The following LUC7L3 variants were observed in gnomAD, a reference collection of about 807,000 sequenced individuals.
LUC7L3 encodes the protein LUC7 like 3 pre-mRNA splicing factor, also known as luc7-like protein 3.
Under a neutral mutation model 66.8 loss-of-function variants are expected in LUC7L3, and 6 were observed. That is an observed-to-expected ratio of 0.09 (90% CI 0.05 to 0.18). LUC7L3 has a LOEUF of 0.18. Among genes scored for constraint, LUC7L3 ranks in the 10% least tolerant of loss-of-function variants. The pLI is 1.00. For synonymous variants in LUC7L3, 160 were observed against 174.7 expected (o/e 0.92, Z 0.66); for missense variants, 341 against 531.1 (o/e 0.64, Z 3.52).
At chr17:50,738,011 G>T (rs1302313840) in intron 2 of LUC7L3, 7 of 359,596 alleles carry the variant, frequency 1.9e-5, no homozygotes, top group African/African-American at 1.3e-4. Flanking sequence ...TGAGATTTCA[G>T]ACACAGCAGG....
rs1970998151 is a variant in LUC7L3 at position 50,752,086 on chromosome 17, C to T, written c.*1425C>T. The T allele has an allele frequency of 1.7e-6, 2 of 1,203,752 alleles. No homozygotes were observed. Among genetic ancestry groups the T allele is most frequent in the Non-Finnish European group, 2.1e-6 (2 of 949,084 alleles). The allele number at this position is 1,203,752 out of a possible 1,614,324, so 74.6% of individuals were successfully genotyped here. A position where few individuals can be genotyped will look rare whatever the true frequency, so the allele number is the denominator to read the frequency against. ...CCTTGATAATTAAAAAGAATACAAGCATTCCATGTACACATGTTAATTAGC... is the reference window on the plus strand; with the variant it reads ...CCTTGATAATTAAAAAGAATACAAGTATTCCATGTACACATGTTAATTAGC... On this transcript the variant is annotated 3_prime_UTR_variant, in exon 10 of 10. Transcript: ENST00000505658.
rs774602714 is a variant in LUC7L3 at position 50,743,682 on chromosome 17, GT to G, written c.427-17del. On this transcript the variant is annotated intron_variant, in intron 5 of 9. Coordinates refer to ENST00000505658, the MANE Select transcript of LUC7L3 (RefSeq NM_016424.5). ...GTTGGGTTTGAAAGAAATCTTAACT[GT>G]TTTTTTCCCCTACTCTTCTAAGATT... The G allele has an allele frequency of 1.1e-5, 16 of 1,446,022 alleles. No individual in the cohort carries two copies. In the East Asian group the frequency reaches 1.4e-4, roughly 12 times the overall value. The allele number at this position is 1,446,022 out of a possible 1,614,324, so 89.6% of individuals were successfully genotyped here. A position where few individuals can be genotyped will look rare whatever the true frequency, so the allele number is the denominator to read the frequency against.
chr17:50,723,400 A>C (rs929119283), intron 1 of LUC7L3: 1 of 152,466 alleles, frequency 6.6e-6, no homozygotes, highest in East Asian at 1.9e-4. Flanking sequence ...GACACTGAAA[A>C]GTTGTTTAGA....
In LUC7L3 at chr17:50,726,738, A is replaced by G. The variant is rs534489747; in HGVS notation, c.99+6907A>G. ...ACATTTTTTTCTCTAGCTTACTTAT[A>G]GTTATTTTTTTCCCTAAACATTCTA... On this transcript the variant is annotated intron_variant, in intron 1 of 9. Coordinates refer to ENST00000505658, the MANE Select transcript of LUC7L3 (RefSeq NM_016424.5). Among the ~76,000 whole-genome samples, 30 of 152,254 alleles carry G rather than the reference A, an allele frequency of 2.0e-4. No homozygotes were observed. In the East Asian group the frequency reaches 3.1e-3, roughly 16 times the overall value.
rs774762325 is a variant in LUC7L3 at position 50,745,866 on chromosome 17, A to G, written c.840A>G (p.Glu280=). The change falls in exon 8 of 10, where the codon GAA becomes GAG. Residue 280 remains glutamate, a synonymous_variant. Coordinates refer to ENST00000505658, the MANE Select transcript of LUC7L3 (RefSeq NM_016424.5). The part of the protein sequence containing the change: ...RKRRREEEER[E]KERARDRERR... ...GACGAAGGGAAGAGGAAGAAAGAGA[A>G]AAAGAAAGGGCTCGTGACAGAGAAA... 1 of 1,603,752 alleles carries G rather than the reference A, an allele frequency of 6.2e-7. No homozygotes were observed. Among genetic ancestry groups the G allele is most frequent in the Non-Finnish European group, 8.5e-7 (1 of 1,172,978 alleles).
At chr17:50,724,694 G>C (rs1567855677) in intron 1 of LUC7L3, among the ~76,000 whole-genome samples, 1 of 149,850 alleles carries the variant, frequency 6.7e-6, no homozygotes, top group Non-Finnish European at 1.5e-5. Flanking sequence ...GGAGAAGGTA[G>C]CTTAAGTTTG....
chr17:50,744,591 C>CT, intron 6 of LUC7L3, 61 bp from the exon 7 acceptor site: 1 of 1,482,662 alleles, frequency 6.7e-7, no homozygotes, highest in Non-Finnish European at 9.2e-7. Context: ...ATGTTGAGTA[C>CT]TTTCCTGGGA....
chr17:50,721,097 T>C (rs1048232465), intron 1 of LUC7L3, among the ~76,000 whole-genome samples: 3 of 152,186 alleles, frequency 2.0e-5, no homozygotes, highest in Non-Finnish European at 4.4e-5. Flanking sequence ...AAGTAACTTT[T>C]TTTTTTTTTA....
At chr17:50,741,988 A>G (rs969046730) in intron 5 of LUC7L3, among the ~76,000 whole-genome samples, 1 of 152,122 alleles carries the variant, frequency 6.6e-6, no homozygotes, top group African/African-American at 2.4e-5. Context: ...AGTTAGGAGA[A>G]TTGCTTAAGC....
At chr17:50,741,814 G>T in intron 5 of LUC7L3, 83 bp downstream of exon 5, 1 of 1,057,792 alleles carries the variant, frequency 9.5e-7, no homozygotes, top group Non-Finnish European at 1.5e-6. Flanking sequence ...GCCAGGCATG[G>T]TAACTCATGT....
At chr17:50,745,573 T>TG (rs1352165906) in intron 7 of LUC7L3, 147 bp from the exon 8 acceptor site, 2 of 595,888 alleles carry the variant, frequency 3.4e-6, no homozygotes, top group African/African-American at 3.7e-5. Context: ...TGATACCTTG[T>TG]GTATATACAT....
intron 5 of LUC7L3, among the ~76,000 whole-genome samples, chr17:50,743,322 C>G (rs1332071253): frequency 6.6e-6 from 1 of 152,120 alleles, no homozygotes; most frequent in Non-Finnish European, 1.5e-5. Context: ...CCTCAGTCTC[C>G]CCAGTAGCTG....
At position 50,741,666 on chromosome 17, in the gene LUC7L3, C is replaced by T. The variant is rs988648429; in HGVS notation, c.361C>T (p.Pro121Ser). ...QNQQSSGAAG[P>S]TGKNEEKIQV... ...TTATTGTCTTCAATAGGCCGCTGGC[C>T]CAACAGGCAAAAATGAAGAAAAAAT... Residue 121 changes from proline to serine, a missense_variant, in exon 5 of 10, where the codon CCA becomes TCA. Coordinates refer to ENST00000505658, the MANE Select transcript of LUC7L3 (RefSeq NM_016424.5). The T allele has an allele frequency of 1.2e-6, 2 of 1,612,960 alleles. No homozygotes were observed. Among genetic ancestry groups the T allele is most frequent in the African/African-American group, 2.7e-5 (2 of 74,978 alleles).
intron 1 of LUC7L3, among the ~76,000 whole-genome samples, chr17:50,721,379 T>C (rs1412758317): frequency 2.0e-5 from 3 of 152,222 alleles, no homozygotes. Context: ...TTGCATTGTA[T>C]GTGATGGGTT....
rs1223219079 is a variant in LUC7L3 at position 50,752,073 on chromosome 17, A to AAG, written c.*1413_*1414insGA. On this transcript the variant is annotated 3_prime_UTR_variant, in exon 10 of 10. Transcript: ENST00000505658. ...AACCACACTGATGCCTTGATAATTAAAAAGAATACAAGCATTCCATGTACA... is the reference window on the plus strand; with the variant it reads ...AACCACACTGATGCCTTGATAATTAAAGAAAGAATACAAGCATTCCATGTACA... 68 of 1,166,752 alleles carry AAG rather than the reference A, an allele frequency of 5.8e-5. No individual in the cohort carries two copies. Among genetic ancestry groups the AAG allele is most frequent in the Non-Finnish European group, 5.5e-5 (51 of 930,854 alleles). 72.3% of individuals were successfully genotyped at this position (1,166,752 alleles called of 1,614,324 possible). A position where few individuals can be genotyped will look rare whatever the true frequency, so the allele number is the denominator to read the frequency against.
At position 50,736,389 on chromosome 17, in the gene LUC7L3, T is replaced by C. The variant is rs547226374; in HGVS notation, c.100-571T>C. Among the ~76,000 whole-genome samples the C allele has an allele frequency of 3.4e-4, 52 of 152,294 alleles. 1 individual carries two copies. The South Asian group carries it at 0.01, about 30-fold the overall frequency. On this transcript the variant is annotated intron_variant, in intron 1 of 9. Coordinates refer to ENST00000505658, the MANE Select transcript of LUC7L3 (RefSeq NM_016424.5). ...AAGAGAATTGCTTGGAGCCAGGAGT[T>C]TGAGACCAACCTGGGCAATGTAGCA... is the stretch of plus-strand genomic sequence containing the variant.
chr17:50,740,395 A>C (rs769156687), intron 3 of LUC7L3, 50 bp downstream of exon 3: 31 of 1,522,096 alleles, frequency 2.0e-5, no homozygotes, highest in Non-Finnish European at 2.7e-5. Context: ...TAGTTGGTTT[A>C]AGTGGGACAA....
chr17:50,730,557 A>G (rs1969534691), intron 1 of LUC7L3, among the ~76,000 whole-genome samples: 1 of 150,318 alleles, frequency 6.7e-6, no homozygotes, highest in Non-Finnish European at 1.5e-5. Flanking sequence ...AATAGTGCAG[A>G]CAGCATTGAA....
At position 50,750,559 on chromosome 17, in the gene LUC7L3, G is replaced by C. The variant is rs1051499459; in HGVS notation, c.1197G>C (p.Gln399His). ...TGAAGTCCGGTAGTCGAGAAAAGCA[G>C]AGTGAAGACACAAACACTGAATCGA... ...SSVKSGSREK[Q>H]SEDTNTESKE... The change falls in exon 10 of 10, where the codon CAG becomes CAC. Residue 399 changes from glutamine to histidine, a missense_variant. By Grantham distance (24) the Gln-to-His change is conservative. Around this residue, in one of 6 missense-constraint regions of LUC7L3, gnomAD observed 210 missense variants for 238.1 expected, o/e 0.88. Coordinates refer to ENST00000505658, the MANE Select transcript of LUC7L3 (RefSeq NM_016424.5). 6.2e-7 allele frequency: 1 copy of C among 1,614,122 alleles called. No homozygotes were observed. Among genetic ancestry groups the C allele is most frequent in the Non-Finnish European group, 8.5e-7 (1 of 1,179,998 alleles).
Sources: allele counts gnomAD v4.1 joint callset (sites outside exome capture counted in the v4.1 genomes callset), GRCh38; gene constraint gnomAD v4.1.1; regional missense constraint gnomAD v4.1.1; transcripts MANE v1.5; gene names NCBI Gene and HGNC (gene_info 2026-07-23, HGNC 2026-07-21).